The following BCAR1 variants were observed in gnomAD, a reference collection of about 807,000 sequenced individuals.
The protein encoded by BCAR1 is BCAR1 scaffold protein, Cas family member, also known as breast cancer anti-estrogen resistance protein 1.
Under a neutral mutation model 67.6 loss-of-function variants are expected in BCAR1, and 30 were observed. The ratio of observed to expected loss-of-function variants is 0.44; its 90% CI spans 0.33 to 0.60. The LOEUF is 0.60. Among genes scored for constraint, BCAR1 ranks in the 20% least tolerant of loss-of-function variants. The probability of loss-of-function intolerance (pLI) is 0.02; values close to 1 mark genes in which losing one functional copy is unlikely to be tolerated. For synonymous variants in BCAR1, 626 were observed against 556.7 expected (o/e 1.12, Z -1.75); for missense variants, 1,313 against 1,222.3 (o/e 1.07, Z -1.11).
chr16:75,236,986 G>A lies in BCAR1; in HGVS notation c.808C>T (p.Pro270Ser). ...TTGGGACCCTTGACAGCCATGGGGG[G>A]TGTGTCATACACCTGGGGCAGAAAC... is the stretch of plus-strand genomic sequence containing the variant. ...SQYGQEVYDT[P>S]PMAVKGPNGR... Residue 270 changes from proline to serine, a missense_variant, in exon 4 of 7, where the codon CCC (proline) becomes TCC (serine). Around this residue, in one of 2 missense-constraint regions of BCAR1, gnomAD observed 1,272 missense variants for 1,137.5 expected, o/e 1.12. Transcript: ENST00000162330. The A allele has an allele frequency of 3.1e-6, 5 of 1,604,234 alleles. No individual in the cohort carries two copies. The highest frequency in any genetic ancestry group is 3.4e-6 in the Non-Finnish European group (4 of 1,174,928).
intron 2 of BCAR1, among the ~76,000 whole-genome samples, chr16:75,239,810 G>A (rs1047866209): frequency 6.6e-6 from 1 of 152,186 alleles, no homozygotes; most frequent in African/African-American, 2.4e-5. Context: ...CCAGCCTGAG[G>A]TCCCAGCACA....
In BCAR1 at chr16:75,235,629, C is replaced by T. The variant is rs1000727856; in HGVS notation, c.1270G>A (p.Gly424Ser). 3 of 1,605,366 alleles carry T rather than the reference C, an allele frequency of 1.9e-6. No individual in the cohort carries two copies. Among genetic ancestry groups the T allele is most frequent in the East Asian group, 2.2e-5 (1 of 44,660 alleles). ...GTGCTGGAGGCCGACAGGCGCTTGC[C>T]CTCTGCCGGGGCTTCACGTTCAGCT... Reference protein sequence around the residue: ...PPAEREAPAEGKRLSASSTGS... With the variant: ...PPAEREAPAESKRLSASSTGS... Residue 424 changes from glycine to serine, a missense_variant, in exon 5 of 7, where the codon GGC becomes AGC. By Grantham distance (56) the Gly-to-Ser change is moderately conservative. This residue lies in a region of BCAR1 where 1,272 missense variants were observed against 1,137.5 expected (regional missense o/e 1.12). Transcript: ENST00000162330.
At position 75,242,455 on chromosome 16, in the gene BCAR1, C is replaced by A; in HGVS notation, c.633+15G>T. 1 of 1,436,582 alleles carries A rather than the reference C, an allele frequency of 7.0e-7. No homozygotes were observed. The highest frequency in any genetic ancestry group is 1.8e-5 in the South Asian group (1 of 56,980). The allele number at this position is 1,436,582 out of a possible 1,614,324, so 89.0% of individuals were successfully genotyped here. ...ATACCTGTGTGGCTGCACAACTGTGCCAGGACAGCCTTACCTTTGCCGGGG... is the reference window on the plus strand; with the variant it reads ...ATACCTGTGTGGCTGCACAACTGTGACAGGACAGCCTTACCTTTGCCGGGG... On this transcript the variant is annotated intron_variant, in intron 2 of 6. Coordinates refer to ENST00000162330, the MANE Select transcript of BCAR1 (RefSeq NM_014567.5).
In BCAR1 at chr16:75,237,167, C is replaced by A. The variant is rs141084800; in HGVS notation, c.795+16G>T. On this transcript the variant is annotated intron_variant, in intron 3 of 6. Transcript: ENST00000162330. The stretch of plus-strand genomic sequence containing the variant: ...TTGCCGCCCTGCCCTCCCACCGCTG[C>A]GCACCCCACACCTACCTCCTGGCCA... 4.5e-6 allele frequency: 7 copies of A among 1,544,622 alleles called. No individual in the cohort carries two copies. The highest frequency in any genetic ancestry group is 1.2e-5 in the South Asian group (1 of 80,914).
intron 4 of BCAR1, chr16:75,236,298 T>C (rs1023221381): frequency 1.2e-4 from 56 of 452,854 alleles, no homozygotes; most frequent in African/African-American, 2.0e-4. Context: ...TCCCAAAGAA[T>C]TGCATGTGTT....
At chr16:75,236,434 T>C in intron 4 of BCAR1, 2 of 337,972 alleles carry the variant, frequency 5.9e-6, no homozygotes, top group Non-Finnish European at 1.1e-5. Context: ...CCACCATCAC[T>C]GTTACCACCC....
At chr16:75,234,364 C>T (rs1240295857) in intron 5 of BCAR1, among the ~76,000 whole-genome samples, 2 of 152,192 alleles carry the variant, frequency 1.3e-5, no homozygotes, top group African/African-American at 4.8e-5. Context: ...AGAAAGTCCG[C>T]AAGCTCCACC....
chr16:75,242,875 G>A lies in BCAR1; in HGVS notation c.228C>T (p.Pro76=), dbSNP rs143543666. 6.3e-5 allele frequency: 102 copies of A among 1,610,312 alleles called. No homozygotes were observed. In the African/African-American group the frequency reaches 1.2e-3, roughly 19 times the overall value. ...MYDKKPAGPG[P]GPPATPAQPQ... is the part of the protein sequence containing the mutation. Reference sequence around the variant, plus strand: ...GCTGGGCCGGGGTGGCGGGAGGGCCGGGGCCAGGCCCTGCTGGCTTCTTAT... The same window carrying A: ...GCTGGGCCGGGGTGGCGGGAGGGCCAGGGCCAGGCCCTGCTGGCTTCTTAT... Residue 76 remains proline (P), a synonymous_variant, in exon 2 of 7, where the codon CCC becomes CCT. Transcript: ENST00000162330.
intron 2 of BCAR1, among the ~76,000 whole-genome samples, chr16:75,239,678 G>C (rs1047896679): frequency 1.3e-5 from 2 of 152,142 alleles, no homozygotes; most frequent in African/African-American, 4.8e-5. Context: ...AGCACCACAG[G>C]AGCGCTGCGA....
In BCAR1 at chr16:75,242,659, G is replaced by C; in HGVS notation, c.444C>G (p.Phe148Leu). 6.6e-7 allele frequency: 1 copy of C among 1,525,930 alleles called. No individual in the cohort carries two copies. Among genetic ancestry groups the C allele is most frequent in the Non-Finnish European group, 8.8e-7 (1 of 1,137,642 alleles). The allele number at this position is 1,525,930 out of a possible 1,614,324, so 94.5% of individuals were successfully genotyped here. A position where few individuals can be genotyped will look rare whatever the true frequency, so the allele number is the denominator to read the frequency against. ...QSPPAKQTST[F>L]SKQTPHHPFP... ...ACGGGTGATGGGGTGTCTGCTTCGA[G>C]AAGGTGGATGTCTGCTTGGCTGGGG... is the stretch of plus-strand genomic sequence containing the variant. The change falls in exon 2 of 7, where the codon TTC becomes TTG. Residue 148 changes from phenylalanine to leucine, a missense_variant. Around this residue, in one of 2 missense-constraint regions of BCAR1, gnomAD observed 1,272 missense variants for 1,137.5 expected, o/e 1.12. Transcript: ENST00000162330.
intron 3 of BCAR1, 76 bp downstream of exon 3, chr16:75,237,107 C>T: frequency 1.3e-6 from 2 of 1,505,222 alleles, no homozygotes; most frequent in Non-Finnish European, 1.8e-6. Flanking sequence ...TGAGAAGATG[C>T]AGCTCTCGGC....
upstream of BCAR1, among the ~76,000 whole-genome samples, chr16:75,254,246 A>G (rs990290765): frequency 1.3e-5 from 2 of 152,184 alleles, no homozygotes; most frequent in Admixed American, 6.5e-5. Context: ...AAGGGAATCT[A>G]GGGACAGGGA....
At chr16:75,257,939 C>T (rs1315093161) in intron 1 of BCAR1, among the ~76,000 whole-genome samples, 1 of 152,210 alleles carries the variant, frequency 6.6e-6, no homozygotes. Context: ...TCGCCGTGGG[C>T]CTTCAGCCAG....
chr16:75,239,060 T>C (rs2077243165), intron 2 of BCAR1: 3 of 985,278 alleles, frequency 3.0e-6, no homozygotes, highest in Non-Finnish European at 1.2e-6. Flanking sequence ...CGCCTGCCAC[T>C]CTTGGAGCTG....
At chr16:75,263,667 C>A in intron 1 of BCAR1, 1 of 985,498 alleles carries the variant, frequency 1.0e-6, no homozygotes, top group Non-Finnish European at 1.2e-6. Context: ...CCTTCTGAAG[C>A]ATCTTATAAT....
At chr16:75,244,294 G>T (rs3784939) in intron 1 of BCAR1, among the ~76,000 whole-genome samples, 3 of 152,194 alleles carry the variant, frequency 2.0e-5, no homozygotes, top group African/African-American at 7.2e-5. Flanking sequence ...TCCCCACTTG[G>T]GCCCAAGTCC....
chr16:75,251,340 C>G, intron 1 of BCAR1, 131 bp downstream of exon 1: 2 of 1,291,868 alleles, frequency 1.5e-6, no homozygotes, highest in Non-Finnish European at 2.0e-6. Context: ...AAGGAGATCC[C>G]AGGGCCGCGG....
rs768330911 is a variant in BCAR1 at position 75,242,951 on chromosome 16, C to T, written c.152G>A (p.Arg51His). The T allele has an allele frequency of 5.6e-6, 9 of 1,613,108 alleles. No individual in the cohort carries two copies. Among genetic ancestry groups the T allele is most frequent in the Admixed American group, 3.3e-5 (2 of 60,000 alleles). ...DGWWLCSLHG[R>H]QGIVPGNRLK... The stretch of plus-strand genomic sequence containing the variant: ...GCGGTTCCCAGGCACGATGCCCTGG[C>T]GCCCATGCAGCGAGCAGAGCCACCA... The change falls in exon 2 of 7, where the codon CGC (arginine) becomes CAC (histidine). Residue 51 changes from arginine (R) to histidine (H), a missense_variant. This residue lies in a region of BCAR1 where 41 missense variants were observed against 84.8 expected (regional missense o/e 0.48). Coordinates refer to ENST00000162330, the MANE Select transcript of BCAR1 (RefSeq NM_014567.5).
intron 1 of BCAR1, among the ~76,000 whole-genome samples, chr16:75,262,018 G>A (rs563424062): frequency 2.0e-5 from 3 of 152,290 alleles, no homozygotes; most frequent in African/African-American, 7.2e-5. Context: ...ACATCCCCAT[G>A]ACACAGAGGA....
Sources: gnomAD v4.1 joint callset for allele counts (sites outside exome capture counted in the v4.1 genomes callset) on GRCh38, gnomAD v4.1.1 for gene constraint, gnomAD v4.1.1 regional missense constraint, MANE v1.5 for transcripts, NCBI Gene and HGNC (gene_info 2026-07-23, HGNC 2026-07-21) for gene names.